Variants in RGS17 observed in about 807,000 individuals in gnomAD.
The protein encoded by RGS17 is regulator of G-protein signaling 17.
Under a neutral mutation model 25.5 loss-of-function variants are expected in RGS17, and 12 were observed. The ratio of observed to expected loss-of-function variants is 0.47; its 90% CI spans 0.30 to 0.76. RGS17 has a LOEUF of 0.76. Ranked by LOEUF, RGS17 falls within the 30% of genes least tolerant of loss-of-function variation. The pLI is 0.07. For missense variants in RGS17, 196 were observed against 242.2 expected (o/e 0.81, Z 1.27); for synonymous variants, 71 against 76.9 (o/e 0.92, Z 0.40).
intron 1 of RGS17, among the ~76,000 whole-genome samples, chr6:153,060,779 A>G (rs1044612593): frequency 2.0e-5 from 3 of 152,112 alleles, no homozygotes; most frequent in Admixed American, 6.6e-5. Flanking sequence ...TTCCAAATAC[A>G]CAATAAATCT....
intron 1 of RGS17, among the ~76,000 whole-genome samples, chr6:153,059,211 C>T (rs1776603629): frequency 6.6e-6 from 1 of 152,006 alleles, no homozygotes; most frequent in South Asian, 2.1e-4. Flanking sequence ...CGGTGCTTTC[C>T]CCTATTAAAG....
At chr6:153,037,824 C>A (rs1776270020) in intron 2 of RGS17, among the ~76,000 whole-genome samples, 1 of 152,156 alleles carries the variant, frequency 6.6e-6, no homozygotes, top group African/African-American at 2.4e-5. Flanking sequence ...AATACAAGAT[C>A]TATGTAATAT....
At chr6:153,049,534 G>C (rs1029252088) in intron 1 of RGS17, among the ~76,000 whole-genome samples, 1 of 151,956 alleles carries the variant, frequency 6.6e-6, no homozygotes, top group Non-Finnish European at 1.5e-5. Context: ...GGTGGATCAC[G>C]AGGTCAGGAG....
chr6:153,114,110 A>G (rs1405191460), intron 1 of RGS17, among the ~76,000 whole-genome samples: 1 of 152,196 alleles, frequency 6.6e-6, no homozygotes, highest in Non-Finnish European at 1.5e-5. Flanking sequence ...CAGAGACACA[A>G]AAACCCCTTC....
intron 1 of RGS17, among the ~76,000 whole-genome samples, chr6:153,074,652 G>C (rs1215273353): frequency 6.6e-6 from 1 of 152,196 alleles, no homozygotes; most frequent in African/African-American, 2.4e-5. Flanking sequence ...CAGGTATATA[G>C]ATGTTATAAA....
intron 1 of RGS17, among the ~76,000 whole-genome samples, chr6:153,075,222 T>C (rs1343535673): frequency 1.3e-5 from 2 of 152,320 alleles, no homozygotes; most frequent in South Asian, 2.1e-4. Flanking sequence ...TTGATAAAGG[T>C]AGAACACCAA....
intron 2 of RGS17, among the ~76,000 whole-genome samples, chr6:153,032,829 G>C (rs539187946): frequency 6.6e-6 from 1 of 152,288 alleles, no homozygotes; most frequent in South Asian, 2.1e-4. Context: ...CAGGCATACT[G>C]TTATTAACAT....
At chr6:153,088,286 G>C (rs1025794235) in intron 1 of RGS17, among the ~76,000 whole-genome samples, 4 of 152,176 alleles carry the variant, frequency 2.6e-5, no homozygotes, top group African/African-American at 9.7e-5. Context: ...CTGACCCATA[G>C]GAACTGTGAG....
At chr6:153,115,478 T>C (rs1777530783) in intron 1 of RGS17, among the ~76,000 whole-genome samples, 1 of 152,098 alleles carries the variant, frequency 6.6e-6, no homozygotes, top group African/African-American at 2.4e-5. Context: ...AAAATCAATA[T>C]CGTGAAAACA....
intron 3 of RGS17, among the ~76,000 whole-genome samples, chr6:153,025,657 A>T (rs11754315): frequency 0.017 from 2,428 of 140,194 alleles, 38 homozygotes; most frequent in African/African-American, 0.044. Flanking sequence ...TATATATATA[A>T]AAACATATAT....
At position 153,026,447 on chromosome 6, in the gene RGS17, C is replaced by T; in HGVS notation, c.209+7G>A. The T allele has an allele frequency of 6.2e-7, 1 of 1,602,752 alleles. No individual in the cohort carries two copies. Among genetic ancestry groups the T allele is most frequent in the Non-Finnish European group, 8.5e-7 (1 of 1,170,680 alleles). On this transcript the variant is annotated splice_region_variant and intron_variant, in intron 3 of 4. Coordinates refer to ENST00000206262, the MANE Select transcript of RGS17 (RefSeq NM_012419.5). ...AGAAACAATAGCTATGTGGTTCTCA[C>T]ACTCACCATTCCTCTAGGACCTGGA...
intron 1 of RGS17, among the ~76,000 whole-genome samples, chr6:153,102,305 C>T (rs1258541800): frequency 1.3e-5 from 2 of 152,154 alleles, no homozygotes; most frequent in Non-Finnish European, 2.9e-5. Context: ...AGTAAAATTA[C>T]AAGAATAACA....
intron 1 of RGS17, among the ~76,000 whole-genome samples, chr6:153,103,473 G>A (rs532039141): frequency 6.6e-6 from 1 of 152,220 alleles, no homozygotes; most frequent in East Asian, 1.9e-4. Context: ...CCTCTCAAGT[G>A]CTGCTACCAC....
chr6:153,119,931 TG>T (rs1303679167), intron 1 of RGS17, among the ~76,000 whole-genome samples: 1 of 152,202 alleles, frequency 6.6e-6, no homozygotes, highest in Non-Finnish European at 1.5e-5. Context: ...TTTCTCCAAA[TG>T]GTGAAACACA....
chr6:153,113,108 C>T lies in RGS17; in HGVS notation c.-26+18016G>A, dbSNP rs117415540. ...AAGGTAAATGGGCTAAATGCTCCAT[C>T]CAATTAGAAGACACAGACTGGTAAA... On this transcript the variant is annotated intron_variant, in intron 1 of 4. Transcript: ENST00000206262. 6.6e-5 allele frequency among the ~76,000 whole-genome samples: 10 copies of T among 152,194 alleles called. No homozygotes were observed. The East Asian group carries it at 1.9e-3, about 29-fold the overall frequency.
rs535055849 is a variant in RGS17, at chr6:153,086,209, T to C, written c.-25-42166A>G. On this transcript the variant is annotated intron_variant, in intron 1 of 4. Coordinates refer to ENST00000206262, the MANE Select transcript of RGS17 (RefSeq NM_012419.5). ...AAAAACACAGAATGACATGATGCCA[T>C]GATTCATCATACTCAATATGAATTG... is the stretch of plus-strand genomic sequence containing the variant. Among the ~76,000 whole-genome samples the C allele has an allele frequency of 5.9e-5, 9 of 152,326 alleles. No homozygotes were observed. In the South Asian group the frequency reaches 1.9e-3, roughly 32 times the overall value.
chr6:153,129,680 T>C (rs1777757705), intron 1 of RGS17, among the ~76,000 whole-genome samples: 1 of 152,186 alleles, frequency 6.6e-6, no homozygotes, highest in Non-Finnish European at 1.5e-5. Flanking sequence ...TCTTTATTAT[T>C]TGTGAAAGCC....
intron 1 of RGS17, among the ~76,000 whole-genome samples, chr6:153,122,984 GGAGTACATTGGAGTACATCA>G (rs1212181148): frequency 9.1e-5 from 10 of 110,106 alleles, no homozygotes; most frequent in African/African-American, 2.9e-4. Flanking sequence ...AATGTACATT[GGAGTACATTGGAGTACATCA>G]GAGTACATTG....
intron 1 of RGS17, among the ~76,000 whole-genome samples, chr6:153,054,876 C>G (rs1009986713): frequency 3.3e-5 from 5 of 152,212 alleles, no homozygotes; most frequent in African/African-American, 1.2e-4. Flanking sequence ...CCATTTGGAA[C>G]AGATCACTCC....
Sources: allele counts gnomAD v4.1 joint callset (sites outside exome capture counted in the v4.1 genomes callset), GRCh38; gene constraint gnomAD v4.1.1; transcripts MANE v1.5; gene names NCBI Gene and HGNC (gene_info 2026-07-23, HGNC 2026-07-21).